The following PTP4A3 variants were observed in gnomAD, a reference collection of about 807,000 sequenced individuals.
The protein encoded by PTP4A3 is protein tyrosine phosphatase type IVA 3.
In PTP4A3, 9 loss-of-function variants were observed where a neutral mutation model predicts 15.2. The ratio of observed to expected loss-of-function variants is 0.59; its 90% CI spans 0.36 to 1.03. PTP4A3 has a LOEUF of 1.03. Ranked by LOEUF, PTP4A3 falls within the 50% of genes least tolerant of loss-of-function variation. The pLI is 0.02. For missense variants in PTP4A3, 234 were observed against 252.1 expected (o/e 0.93, Z 0.49); for synonymous variants, 95 against 102.0 (o/e 0.93, Z 0.41).
rs886360943 is a variant in PTP4A3, at chr8:141,421,780, A to G, written c.-461A>G. 1 of 157,740 alleles carries G rather than the reference A, an allele frequency of 6.3e-6. No homozygotes were observed. 9.8% of individuals were successfully genotyped at this position (157,740 alleles called of 1,614,324 possible). On this transcript the variant is annotated 5_prime_UTR_variant, in exon 2 of 6. The change abolishes an upstream ATG in the 5' untranslated region. Transcript: ENST00000521578. ...AAGGGGGCTGTCTGCCCATCCACCA[A>G]TGTGGAGAGGGCGCCCCCGGTGTGG...
In PTP4A3 at chr8:141,422,171, G is replaced by GA; in HGVS notation, c.-69dup. The GA allele has an allele frequency of 6.8e-7, 1 of 1,468,814 alleles. No individual in the cohort carries two copies. Among genetic ancestry groups the GA allele is most frequent in the Non-Finnish European group, 9.5e-7 (1 of 1,054,470 alleles). The allele number at this position is 1,468,814 out of a possible 1,614,324, so 91.0% of individuals were successfully genotyped here. A position where few individuals can be genotyped will look rare whatever the true frequency, so the allele number is the denominator to read the frequency against. ...TCCTCATTTTTTGGGGGTGTGTGGGGACTTCTCAGGTCGTGTCCCCAGCCT... is the reference window on the plus strand; with the variant it reads ...TCCTCATTTTTTGGGGGTGTGTGGGGAACTTCTCAGGTCGTGTCCCCAGCCT... On this transcript the variant is annotated 5_prime_UTR_variant, in exon 2 of 6. Transcript: ENST00000521578.
chr8:141,422,361 G>A lies in PTP4A3; in HGVS notation c.105+16G>A, dbSNP rs1005771161. 6.2e-7 allele frequency: 1 copy of A among 1,613,034 alleles called. No homozygotes were observed. The highest frequency in any genetic ancestry group is 2.2e-5 in the East Asian group (1 of 44,880). On this transcript the variant is annotated intron_variant, in intron 2 of 5. Coordinates refer to ENST00000521578, the MANE Select transcript of PTP4A3 (RefSeq NM_032611.3). The stretch of plus-strand genomic sequence containing the variant: ...CTTCATTGAGGTGAGTGGAGACGGA[G>A]GTGTGGCAGGCAGGTGGCCCAGGTG...
rs1833554779 is a variant in PTP4A3 at position 141,425,882 on chromosome 8, T to C, written c.198+742T>C. ...GTTTGGGGTCAGACAGGCCTTGGGC[T>C]GCGTCCCGCCTCTGCCCTCCCCAGC... On this transcript the variant is annotated intron_variant, in intron 3 of 5. Coordinates refer to ENST00000521578, the MANE Select transcript of PTP4A3 (RefSeq NM_032611.3). The surrounding 1 kb of genome is among the most constrained non-coding windows in gnomAD (Gnocchi z 4.2). 6.6e-6 allele frequency among the ~76,000 whole-genome samples: 1 copy of C among 152,192 alleles called. No individual in the cohort carries two copies. Among genetic ancestry groups the C allele is most frequent in the Non-Finnish European group, 1.5e-5 (1 of 68,012 alleles).
chr8:141,418,263 T>G (rs953305560), intron 1 of PTP4A3, among the ~76,000 whole-genome samples: 1 of 152,174 alleles, frequency 6.6e-6, no homozygotes, highest in Non-Finnish European at 1.5e-5. Flanking sequence ...GCCTCCAGCC[T>G]CCTCCCCCAA....
In PTP4A3 at chr8:141,431,435, C is replaced by A; in HGVS notation, c.*391C>A. The stretch of plus-strand genomic sequence containing the variant: ...AGCCCCTCTTTTGCGACCCCTTGTC[C>A]TGACCTGTTCTCGGCACCTTAAATT... On this transcript the variant is annotated 3_prime_UTR_variant, in exon 6 of 6. Transcript: ENST00000521578. 4.6e-6 allele frequency: 1 copy of A among 218,744 alleles called. No homozygotes were observed. Among genetic ancestry groups the A allele is most frequent in the Non-Finnish European group, 8.9e-6 (1 of 111,760 alleles). The allele number at this position is 218,744 out of a possible 1,614,324, so 13.6% of individuals were successfully genotyped here. A position where few individuals can be genotyped will look rare whatever the true frequency, so the allele number is the denominator to read the frequency against.
At chr8:141,428,397 G>T (rs574811053) in intron 5 of PTP4A3, among the ~76,000 whole-genome samples, 45 of 152,254 alleles carry the variant, frequency 3.0e-4, no homozygotes, top group African/African-American at 8.9e-4. Flanking sequence ...TGCCCAGGGG[G>T]TCCTGGGGGA....
chr8:141,424,138 C>T (rs1342357434), intron 2 of PTP4A3, among the ~76,000 whole-genome samples: 1 of 152,146 alleles, frequency 6.6e-6, no homozygotes, highest in Non-Finnish European at 1.5e-5. Context: ...ACCCTGCCTG[C>T]TCCCTGCATT....
At chr8:141,397,893 C>G (rs920176128) in intron 1 of PTP4A3, among the ~76,000 whole-genome samples, 1 of 152,220 alleles carries the variant, frequency 6.6e-6, no homozygotes, top group Non-Finnish European at 1.5e-5. Flanking sequence ...TGTCCAGGGT[C>G]GGCCCGGCTC....
chr8:141,398,572 G>A (rs900229288), intron 1 of PTP4A3, among the ~76,000 whole-genome samples: 4 of 152,126 alleles, frequency 2.6e-5, no homozygotes, highest in African/African-American at 9.7e-5. Context: ...AGGGCATCAA[G>A]AGGAAGTCTC....
At chr8:141,395,205 G>T (rs1832413130) in intron 1 of PTP4A3, among the ~76,000 whole-genome samples, 2 of 151,992 alleles carry the variant, frequency 1.3e-5, no homozygotes, top group African/African-American at 4.8e-5. Context: ...ACCTGGCAGA[G>T]AGTGTGCGCG....
chr8:141,428,645 G>T (rs1833697010), intron 5 of PTP4A3, among the ~76,000 whole-genome samples: 1 of 152,122 alleles, frequency 6.6e-6, no homozygotes, highest in Non-Finnish European at 1.5e-5. Flanking sequence ...CGAGAGCGTG[G>T]CCCGCCCTGT....
intron 1 of PTP4A3, among the ~76,000 whole-genome samples, chr8:141,412,771 A>G (rs11167057): frequency 0.45 from 68,653 of 152,148 alleles, 18,874 homozygotes; most frequent in African/African-American, 0.77. Context: ...GTTCCTGTGT[A>G]TTCTCATCTG....
chr8:141,427,105 G>A (rs761230883), intron 4 of PTP4A3, 36 bp downstream of exon 4: 1 of 1,584,998 alleles, frequency 6.3e-7, no homozygotes, highest in Non-Finnish European at 8.5e-7. Flanking sequence ...CGCCATGTCA[G>A]GTGGTTGGGC....
chr8:141,419,487 C>A (rs890890426), intron 1 of PTP4A3, among the ~76,000 whole-genome samples: 2 of 152,068 alleles, frequency 1.3e-5, no homozygotes, highest in African/African-American at 4.8e-5. Context: ...TCCCTCCAGT[C>A]GGGCAAGGTG....
chr8:141,425,196 C>CGGGGGGGGGGGGGGGGG lies in PTP4A3; in HGVS notation c.198+62_198+63insGGGGGGGGGGGGGGGGG. 3.6e-5 allele frequency: 13 copies of CGGGGGGGGGGGGGGGGG among 361,460 alleles called. No individual in the cohort carries two copies. Among genetic ancestry groups the CGGGGGGGGGGGGGGGGG allele is most frequent in the East Asian group, 2.0e-4 (3 of 14,868 alleles). The allele number at this position is 361,460 out of a possible 1,614,324, so 22.4% of individuals were successfully genotyped here. A position where few individuals can be genotyped will look rare whatever the true frequency, so the allele number is the denominator to read the frequency against. ...CTGCTGCCACCGGGGGAGGGTGGGG[C>CGGGGGGGGGGGGGGGGG]GGGGGGCTCCGGGCCTGCGCAGAGG... On this transcript the variant is annotated intron_variant, in intron 3 of 5. Transcript: ENST00000521578. The surrounding 1 kb of genome is among the most constrained non-coding windows in gnomAD (Gnocchi z 4.2).
chr8:141,425,245 C>T lies in PTP4A3; in HGVS notation c.198+105C>T, dbSNP rs1441749197. 2.5e-6 allele frequency: 3 copies of T among 1,186,182 alleles called. No homozygotes were observed. Among genetic ancestry groups the T allele is most frequent in the Admixed American group, 2.0e-5 (1 of 49,692 alleles). The allele number at this position is 1,186,182 out of a possible 1,614,324, so 73.5% of individuals were successfully genotyped here. A position where few individuals can be genotyped will look rare whatever the true frequency, so the allele number is the denominator to read the frequency against. ...GGGTTTGGTGCCCCTCCTGTGGCAG[C>T]CCTGGGCATGTCTGTGCCTGGGCCA... is the stretch of plus-strand genomic sequence containing the variant. On this transcript the variant is annotated intron_variant, in intron 3 of 5. Coordinates refer to ENST00000521578, the MANE Select transcript of PTP4A3 (RefSeq NM_032611.3). The surrounding 1 kb of genome is among the most constrained non-coding windows in gnomAD (Gnocchi z 4.2).
chr8:141,404,943 A>G (rs1832687533), intron 1 of PTP4A3, among the ~76,000 whole-genome samples: 1 of 152,182 alleles, frequency 6.6e-6, no homozygotes, highest in Admixed American at 6.5e-5. Context: ...CTGACTGTCT[A>G]CATTGCCAGG....
chr8:141,413,971 T>G (rs1026625298), intron 1 of PTP4A3, among the ~76,000 whole-genome samples: 1 of 145,336 alleles, frequency 6.9e-6, no homozygotes, highest in African/African-American at 2.8e-5. Context: ...CTGGAGGCTC[T>G]GGTGGGCGTC....
rs546005305 is a variant in PTP4A3 at position 141,416,577 on chromosome 8, G to A, written c.-853-4811G>A. Among the ~76,000 whole-genome samples the A allele has an allele frequency of 1.8e-3, 281 of 152,266 alleles. 1 individual carries two copies. Among genetic ancestry groups the A allele is most frequent in the African/African-American group, 5.8e-3 (239 of 41,546 alleles). ...CACTGGGCAGGAGTCAGAGCCTAGC[G>A]TCTCCCTGTGGAGCTGGGTGCACCC... On this transcript the variant is annotated intron_variant, in intron 1 of 5. Transcript: ENST00000521578.
Sources: allele counts gnomAD v4.1 joint callset (sites outside exome capture counted in the v4.1 genomes callset), GRCh38; gene constraint gnomAD v4.1.1; non-coding constraint Gnocchi (gnomAD v3.1); transcripts MANE v1.5; gene names NCBI Gene and HGNC (gene_info 2026-07-23, HGNC 2026-07-21).